ANO2: variants seen among roughly 807,000 people sequenced by gnomAD.
The protein encoded by ANO2 is anoctamin 2.
A neutral mutation model predicts 124.2 loss-of-function variants in ANO2; 101 were observed. The observed-to-expected ratio is 0.81, with a 90% CI of 0.69 to 0.96. ANO2 has a LOEUF of 0.96. ANO2 is among the 40% of genes least tolerant of loss of function. ANO2 has a pLI of 0.00. For synonymous variants in ANO2, 486 were observed against 482.5 expected, an observed-to-expected ratio of 1.01 and a Z score of -0.09; for missense variants, 1,293 against 1,274.5, an observed-to-expected ratio of 1.01 and a Z score of -0.22.
chr12:5,618,005 A>T (rs537104522), intron 16 of ANO2, among the ~76,000 whole-genome samples: 7 of 152,318 alleles, frequency 4.6e-5, no homozygotes, highest in African/African-American at 1.4e-4. Flanking sequence ...AGCTTTGTGA[A>T]GGAGTAGGAT....
intron 15 of ANO2, among the ~76,000 whole-genome samples, chr12:5,638,426 AG>A (rs1045658408): frequency 9.0e-6 from 1 of 111,682 alleles, no homozygotes; most frequent in Admixed American, 8.2e-5. Context: ...TAGTAGAGAC[AG>A]GGTTTCATCA....
At chr12:5,854,787 T>G (rs2137256092) in intron 3 of ANO2, among the ~76,000 whole-genome samples, 1 of 152,256 alleles carries the variant, frequency 6.6e-6, no homozygotes, top group South Asian at 2.1e-4. Flanking sequence ...TCTCAAAACA[T>G]GAAAAATAAG....
At chr12:5,885,588 T>C (rs1431472118) in intron 3 of ANO2, among the ~76,000 whole-genome samples, 1 of 152,122 alleles carries the variant, frequency 6.6e-6, no homozygotes, top group Non-Finnish European at 1.5e-5. Flanking sequence ...AGAGTGAACC[T>C]AAGAAAGGTT....
At chr12:5,783,541 G>A (rs1040099356) in intron 10 of ANO2, among the ~76,000 whole-genome samples, 22 of 152,234 alleles carry the variant, frequency 1.4e-4, no homozygotes, top group African/African-American at 5.3e-4. Context: ...GGGTGATGGT[G>A]AATGTATAGT....
At chr12:5,649,730 G>A (rs766574225) in intron 14 of ANO2, among the ~76,000 whole-genome samples, 10 of 152,044 alleles carry the variant, frequency 6.6e-5, no homozygotes, top group Non-Finnish European at 1.3e-4. Context: ...TCAGCCTCCC[G>A]ACTAGCTGGG....
At chr12:5,584,139 C>CCCCCG (rs1555088598) in intron 20 of ANO2, 401 of 161,942 alleles carry the variant, frequency 2.5e-3, no homozygotes, top group East Asian at 4.4e-3. Context: ...ACACCCCCCC[C>CCCCCG]CCGCCGCAAG....
At chr12:5,869,356 T>C (rs1955511908) in intron 3 of ANO2, among the ~76,000 whole-genome samples, 1 of 152,162 alleles carries the variant, frequency 6.6e-6, no homozygotes, top group African/African-American at 2.4e-5. Flanking sequence ...CTCTTTTAGC[T>C]TCAACCAGAC....
chr12:5,939,142 G>A (rs752798783), intron 1 of ANO2, among the ~76,000 whole-genome samples: 9 of 148,404 alleles, frequency 6.1e-5, no homozygotes, highest in African/African-American at 9.9e-5. Context: ...GTTTGAACCC[G>A]GGAGGCAGAG....
chr12:5,708,353 A>G (rs763123222), intron 14 of ANO2, among the ~76,000 whole-genome samples: 1 of 152,118 alleles, frequency 6.6e-6, no homozygotes, highest in Non-Finnish European at 1.5e-5. Flanking sequence ...TCCTCCAGTA[A>G]CTTTCCACTG....
At chr12:5,835,739 C>T (rs986407780) in intron 4 of ANO2, among the ~76,000 whole-genome samples, 1 of 152,174 alleles carries the variant, frequency 6.6e-6, no homozygotes, top group Non-Finnish European at 1.5e-5. Flanking sequence ...GTACAACTTA[C>T]AATATTGCCT....
At position 5,759,032 on chromosome 12, in the gene ANO2, G is replaced by A. The variant is rs143339691; in HGVS notation, c.1056-8062C>T. Among the ~76,000 whole-genome samples the A allele has an allele frequency of 2.3e-3, 350 of 151,830 alleles. 2 individuals carry two copies. The highest frequency in any genetic ancestry group is 7.7e-3 in the African/African-American group (319 of 41,404). ...GTGAGGAAAAACAAATCTAGCATTC[G>A]AGAGCTGCAGGACAATATCAAAGGA... On this transcript the variant is annotated intron_variant, in intron 10 of 24. Transcript: ENST00000682330.
chr12:5,713,122 A>G (rs1949875779), intron 14 of ANO2, among the ~76,000 whole-genome samples: 1 of 152,170 alleles, frequency 6.6e-6, no homozygotes, highest in Non-Finnish European at 1.5e-5. Flanking sequence ...GGGTCACTGA[A>G]GTAGGCCAGG....
At chr12:5,759,290 A>G (rs997309176) in intron 10 of ANO2, among the ~76,000 whole-genome samples, 1 of 152,222 alleles carries the variant, frequency 6.6e-6, no homozygotes, top group African/African-American at 2.4e-5. Context: ...TTGAAAGAGA[A>G]AAATTTTAAT....
At chr12:5,923,902 G>A (rs1035637231) in intron 1 of ANO2, among the ~76,000 whole-genome samples, 2 of 152,158 alleles carry the variant, frequency 1.3e-5, no homozygotes, top group Non-Finnish European at 2.9e-5. Context: ...CCACTTGCCA[G>A]CTCTAAGACC....
intron 3 of ANO2, among the ~76,000 whole-genome samples, chr12:5,881,192 T>C (rs1270536714): frequency 6.6e-6 from 1 of 152,082 alleles, no homozygotes; most frequent in Non-Finnish European, 1.5e-5. Context: ...CTTCCAAAGG[T>C]CACTCCATCT....
At chr12:5,855,678 A>G (rs1349937382) in intron 3 of ANO2, among the ~76,000 whole-genome samples, 1 of 152,212 alleles carries the variant, frequency 6.6e-6, no homozygotes, top group East Asian at 1.9e-4. Flanking sequence ...TAGCTCACAC[A>G]ATATTTGCAA....
intron 17 of ANO2, among the ~76,000 whole-genome samples, chr12:5,614,386 C>T (rs556086273): frequency 1.3e-5 from 2 of 152,242 alleles, no homozygotes; most frequent in East Asian, 3.9e-4. Flanking sequence ...TTGGTTGAGG[C>T]TCTGAGTCAT....
In ANO2 at chr12:5,635,162, G is replaced by T; in HGVS notation, c.1806C>A (p.Leu602=). The change falls in exon 16 of 25, where the codon CTC becomes CTA. Residue 602 remains leucine (L), a synonymous_variant. Transcript: ENST00000682330. The surrounding 1 kb of genome is among the most constrained non-coding windows in gnomAD (Gnocchi z 5.2). Reference sequence around the variant, plus strand: ...TCGGTGACACAGTACCAATTTTGGTGAGCCACTTGGCCACAGCGCCGTAGA... The same window carrying T: ...TCGGTGACACAGTACCAATTTTGGTTAGCCACTTGGCCACAGCGCCGTAGA... ...DEIYGAVAKW[L]TKIEVPKTEQ... 6.3e-7 allele frequency: 1 copy of T among 1,578,624 alleles called. No individual in the cohort carries two copies. Among genetic ancestry groups the T allele is most frequent in the South Asian group, 1.2e-5 (1 of 83,796 alleles).
intron 3 of ANO2, among the ~76,000 whole-genome samples, chr12:5,920,088 C>G (rs1221713238): frequency 6.7e-6 from 1 of 150,128 alleles, no homozygotes; most frequent in African/African-American, 2.4e-5. Flanking sequence ...TGGATGCATG[C>G]ATGCATGCAT....
Sources: gnomAD v4.1 joint callset for allele counts (sites outside exome capture counted in the v4.1 genomes callset) on GRCh38, gnomAD v4.1.1 for gene constraint, Gnocchi (gnomAD v3.1) non-coding constraint, MANE v1.5 for transcripts, NCBI Gene and HGNC (gene_info 2026-07-23, HGNC 2026-07-21) for gene names.